PDZK1IP1: variants seen among roughly 807,000 people sequenced by gnomAD.
The protein encoded by PDZK1IP1 is PDZK1-interacting protein 1.
A neutral mutation model predicts 14.7 loss-of-function variants in PDZK1IP1; 9 were observed. The observed-to-expected ratio is 0.61, with a 90% confidence interval of 0.37 to 1.07. The LOEUF is 1.07. Ranked by LOEUF, PDZK1IP1 falls within the 50% of genes least tolerant of loss-of-function variation. The pLI is 0.01. For missense variants in PDZK1IP1, 152 were observed against 148.7 expected (o/e 1.02, Z -0.11); for synonymous variants, 70 against 61.2 (o/e 1.14, Z -0.67).
intron 2 of PDZK1IP1, among the ~76,000 whole-genome samples, chr1:47,186,263 G>C (rs1422939585): frequency 1.3e-5 from 2 of 151,142 alleles, no homozygotes; most frequent in African/African-American, 4.9e-5. Flanking sequence ...AGCCGAGATA[G>C]AGCCATTGCA....
At chr1:47,185,362 G>A (rs1324620705) in intron 2 of PDZK1IP1, 6 of 439,850 alleles carry the variant, frequency 1.4e-5, no homozygotes, top group Non-Finnish European at 2.5e-5. Flanking sequence ...CCTCAGTTCA[G>A]CCTCCACAGC....
intron 3 of PDZK1IP1, 133 bp downstream of exon 3, chr1:47,184,869 C>T: frequency 2.9e-6 from 2 of 695,184 alleles, no homozygotes; most frequent in Non-Finnish European, 2.6e-6. Flanking sequence ...CCTCACAAAG[C>T]CCCCATTGCC....
intron 1 of PDZK1IP1, among the ~76,000 whole-genome samples, chr1:47,189,013 G>T (rs532957110): frequency 6.6e-6 from 1 of 152,116 alleles, no homozygotes; most frequent in Non-Finnish European, 1.5e-5. Context: ...CAGTGTCTGG[G>T]GCAGGAGAAA....
chr1:47,184,071 G>A (rs778019139), intron 3 of PDZK1IP1, 28 bp from the exon 4 acceptor site: 3 of 1,522,636 alleles, frequency 2.0e-6, no homozygotes, highest in Non-Finnish European at 2.7e-6. Context: ...GGGCCTGATG[G>A]GTCATCGCTC....
chr1:47,189,504 G>C (rs1294662519), intron 1 of PDZK1IP1, among the ~76,000 whole-genome samples: 2 of 152,186 alleles, frequency 1.3e-5, no homozygotes, highest in East Asian at 3.9e-4. Flanking sequence ...AGCCCAAGAG[G>C]CCGAGACAAA....
chr1:47,184,520 C>A (rs1214671477), intron 3 of PDZK1IP1, among the ~76,000 whole-genome samples: 2 of 52,294 alleles, frequency 3.8e-5, no homozygotes, highest in African/African-American at 7.9e-5. Flanking sequence ...TGAATCCATC[C>A]CCCACTGAGC....
intron 1 of PDZK1IP1, among the ~76,000 whole-genome samples, chr1:47,188,973 C>A (rs945038469): frequency 5.9e-5 from 9 of 152,200 alleles, no homozygotes; most frequent in African/African-American, 2.2e-4. Context: ...ACAGTCCCTG[C>A]TCCTCCTCCC....
rs754288621 is a variant in PDZK1IP1 at position 47,187,282 on chromosome 1, C to A, written c.176+37G>T. ...AGAGCAAGAGCAGTGGTCCTGGGCC[C>A]ACCCTGCCTGCTCAGGGACCCTTGG... On this transcript the variant is annotated intron_variant, in intron 2 of 3. Transcript: ENST00000294338. 2.4e-5 allele frequency: 35 copies of A among 1,465,946 alleles called. No homozygotes were observed. The South Asian group carries it at 3.8e-4, about 16-fold the overall frequency. 90.8% of individuals were successfully genotyped at this position (1,465,946 alleles called of 1,614,324 possible).
At chr1:47,189,215 G>T (rs1363878637) in intron 1 of PDZK1IP1, among the ~76,000 whole-genome samples, 2 of 152,218 alleles carry the variant, frequency 1.3e-5, no homozygotes, top group Non-Finnish European at 2.9e-5. Context: ...CACCTGCAGA[G>T]TCCCCAGACT....
intron 1 of PDZK1IP1, among the ~76,000 whole-genome samples, chr1:47,188,395 C>G (rs1557661737): frequency 6.6e-6 from 1 of 152,204 alleles, no homozygotes; most frequent in African/African-American, 2.4e-5. Flanking sequence ...CCCCAAAGGA[C>G]TTTCCTCTTC....
Position 47,183,698 on chromosome 1 carries a change from G to C in PDZK1IP1, c.*273C>G. On this transcript the variant is annotated 3_prime_UTR_variant, in exon 4 of 4. Coordinates refer to ENST00000294338, the MANE Select transcript of PDZK1IP1 (RefSeq NM_005764.4). ...CATAGTTATGGGGAAGGACGTGTGAGCAGGATGGGAGGTGCTCAGCTGACT... is the reference window on the plus strand; with the variant it reads ...CATAGTTATGGGGAAGGACGTGTGACCAGGATGGGAGGTGCTCAGCTGACT... 1 of 485,486 alleles carries C rather than the reference G, an allele frequency of 2.1e-6. No individual in the cohort carries two copies. The highest frequency in any genetic ancestry group is 3.3e-5 in the East Asian group (1 of 30,304). 30.1% of individuals were successfully genotyped at this position (485,486 alleles called of 1,614,324 possible). A position where few individuals can be genotyped will look rare whatever the true frequency, so the allele number is the denominator to read the frequency against.
Position 47,184,025 on chromosome 1 carries a change from A to T in PDZK1IP1, c.291T>A (p.Asn97Lys). The T allele has an allele frequency of 6.3e-7, 1 of 1,594,196 alleles. No homozygotes were observed. The highest frequency in any genetic ancestry group is 8.6e-7 in the Non-Finnish European group (1 of 1,169,088). Reference sequence around the variant, plus strand: ...CCTCCTCGGGCACATTCTCATAGGCATTCTCATGCTCACTGGACCTGAAAG... The same window carrying T: ...CCTCCTCGGGCACATTCTCATAGGCTTTCTCATGCTCACTGGACCTGAAAG... ...AASFRSSEHE[N>K]AYENVPEEEG... Residue 97 changes from asparagine (N) to lysine (K), a missense_variant, in exon 4 of 4, where the codon AAT becomes AAA. By Grantham distance (94) the Asn-to-Lys change is moderately conservative. Coordinates refer to ENST00000294338, the MANE Select transcript of PDZK1IP1 (RefSeq NM_005764.4).
chr1:47,189,785 T>C, intron 1 of PDZK1IP1, 81 bp downstream of exon 1: 2 of 1,062,204 alleles, frequency 1.9e-6, no homozygotes, highest in Non-Finnish European at 2.7e-6. Context: ...ACTGTAAGTA[T>C]CAAGGCCCTG....
intron 2 of PDZK1IP1, among the ~76,000 whole-genome samples, chr1:47,186,730 C>A (rs1256232739): frequency 6.6e-6 from 1 of 152,222 alleles, no homozygotes; most frequent in Admixed American, 6.5e-5. Flanking sequence ...TCCCACGCCA[C>A]TCTATCCTGG....
At chr1:47,184,498 C>T (rs889145427) in intron 3 of PDZK1IP1, among the ~76,000 whole-genome samples, 2 of 35,976 alleles carry the variant, frequency 5.6e-5, no homozygotes, top group Middle Eastern at 0.012. Context: ...CCCCACTGAA[C>T]CCATCCCCCA....
chr1:47,186,235 G>A (rs1305204880), intron 2 of PDZK1IP1, among the ~76,000 whole-genome samples: 1 of 151,922 alleles, frequency 6.6e-6, no homozygotes, highest in Non-Finnish European at 1.5e-5. Context: ...TTGAACCCGG[G>A]AGGCAGAAGT....
At chr1:47,186,716 C>G (rs1645322042) in intron 2 of PDZK1IP1, among the ~76,000 whole-genome samples, 1 of 152,232 alleles carries the variant, frequency 6.6e-6, no homozygotes, top group Non-Finnish European at 1.5e-5. Flanking sequence ...AACTGCAGCG[C>G]TCTTCCCACG....
At chr1:47,184,135 C>T (rs1166634879) in intron 3 of PDZK1IP1, 92 bp from the exon 4 acceptor site, 4 of 979,486 alleles carry the variant, frequency 4.1e-6, no homozygotes, top group Non-Finnish European at 6.3e-6. Context: ...ACAGTAATAG[C>T]TTCCAGAATA....
chr1:47,184,983 G>T lies in PDZK1IP1; in HGVS notation c.272+19C>A. 6.3e-7 allele frequency: 1 copy of T among 1,593,590 alleles called. No individual in the cohort carries two copies. The highest frequency in any genetic ancestry group is 8.6e-7 in the Non-Finnish European group (1 of 1,162,014). On this transcript the variant is annotated intron_variant, in intron 3 of 3. Transcript: ENST00000294338. ...AGGCCCTGGGAGCACAGACCGGGCA[G>T]CCCTGCCCTGCACCTCACCTGAAAC...
Sources: gnomAD v4.1 joint callset for allele counts (sites outside exome capture counted in the v4.1 genomes callset) on GRCh38, gnomAD v4.1.1 for gene constraint, MANE v1.5 for transcripts, NCBI Gene and HGNC (gene_info 2026-07-23, HGNC 2026-07-21) for gene names.